Variants in WWOX observed in about 807,000 individuals in gnomAD.
The protein encoded by WWOX is WW domain containing oxidoreductase.
In WWOX, 69 loss-of-function variants were observed where a neutral mutation model predicts 46.2. The ratio of observed to expected loss-of-function variants is 1.49; its 90% CI spans 1.23 to 1.82. The LOEUF (loss-of-function observed/expected upper bound fraction) is 1.82, where lower values mean the gene tolerates loss of function less well. WWOX is among the 40% of genes most tolerant of loss of function. WWOX has a pLI of 0.00. For missense variants in WWOX, 919 were observed against 542.6 expected, an observed-to-expected ratio of 1.69 and a Z score of -6.89; for synonymous variants, 359 against 202.6, an observed-to-expected ratio of 1.77 and a Z score of -6.56.
chr16:78,325,609 A>C (rs1341119098), intron 5 of WWOX, among the ~76,000 whole-genome samples: 1 of 152,184 alleles, frequency 6.6e-6, no homozygotes, highest in Non-Finnish European at 1.5e-5. Flanking sequence ...ATAGAGAAGT[A>C]ATGAGATCAG....
intron 8 of WWOX, among the ~76,000 whole-genome samples, chr16:78,661,919 C>T (rs1339848626): frequency 1.3e-5 from 2 of 152,144 alleles, no homozygotes; most frequent in Non-Finnish European, 2.9e-5. Flanking sequence ...TGATATGCAT[C>T]TGTGGTCTGA....
intron 8 of WWOX, among the ~76,000 whole-genome samples, chr16:78,779,247 G>T (rs1555533895): frequency 6.6e-6 from 1 of 152,098 alleles, no homozygotes; most frequent in Non-Finnish European, 1.5e-5. Flanking sequence ...CTGGCTCAAG[G>T]GATCCTCCCA....
chr16:78,641,766 C>T (rs1027009852), intron 8 of WWOX, among the ~76,000 whole-genome samples: 2 of 152,138 alleles, frequency 1.3e-5, no homozygotes, highest in African/African-American at 4.8e-5. Flanking sequence ...AATTACCTGA[C>T]AGAGCTCCCC....
At chr16:78,367,443 G>T (rs1457401973) in intron 5 of WWOX, among the ~76,000 whole-genome samples, 2 of 152,028 alleles carry the variant, frequency 1.3e-5, no homozygotes, top group Admixed American at 6.6e-5. Flanking sequence ...GCTATCATTA[G>T]GGTTAGTGTA....
chr16:78,205,055 T>G (rs2036349285), intron 5 of WWOX, among the ~76,000 whole-genome samples: 1 of 152,200 alleles, frequency 6.6e-6, no homozygotes, highest in South Asian at 2.1e-4. Flanking sequence ...GACATGAACA[T>G]GGGGCTTAAA....
rs570027647 is a variant in WWOX at position 79,193,995 on chromosome 16, C to T, written c.1057-17613C>T. Among the ~76,000 whole-genome samples, 2 of 151,716 alleles carry T rather than the reference C, an allele frequency of 1.3e-5. 1 individual carries two copies. Among genetic ancestry groups the T allele is most frequent in the East Asian group, 3.9e-4 (2 of 5,150 alleles). On this transcript the variant is annotated intron_variant, in intron 8 of 8. Coordinates refer to ENST00000566780, the MANE Select transcript of WWOX (RefSeq NM_016373.4). ...GATTTGCACATGTTGCTGGACCTCT[C>T]TTTGTCTCAGTTTTCTGTAAACTGG...
At chr16:78,906,929 G>T (rs572169730) in intron 8 of WWOX, among the ~76,000 whole-genome samples, 1 of 152,260 alleles carries the variant, frequency 6.6e-6, no homozygotes, top group East Asian at 1.9e-4. Flanking sequence ...AAATAATTAC[G>T]CAAATAAGCT....
chr16:78,445,464 C>T (rs1266435407), intron 8 of WWOX, among the ~76,000 whole-genome samples: 1 of 152,042 alleles, frequency 6.6e-6, no homozygotes, highest in African/African-American at 2.4e-5. Flanking sequence ...TCATGGGGAC[C>T]GTATGTTGGG....
chr16:79,212,248 A>C lies in WWOX; in HGVS notation c.*452A>C. ...TCACTGCTCCTTGCTGCATTGATCC[A>C]GGAGATAATTGTTTCATTCATCCTG... On this transcript the variant is annotated 3_prime_UTR_variant, in exon 9 of 9. Coordinates refer to ENST00000566780, the MANE Select transcript of WWOX (RefSeq NM_016373.4). 7.5e-7 allele frequency: 1 copy of C among 1,336,508 alleles called. No individual in the cohort carries two copies. Among genetic ancestry groups the C allele is most frequent in the Non-Finnish European group, 9.9e-7 (1 of 1,010,796 alleles). The allele number at this position is 1,336,508 out of a possible 1,614,324, so 82.8% of individuals were successfully genotyped here.
intron 5 of WWOX, among the ~76,000 whole-genome samples, chr16:78,282,376 G>A (rs140880099): frequency 6.6e-6 from 1 of 152,304 alleles, no homozygotes; most frequent in East Asian, 1.9e-4. Context: ...TCAAAAAGGA[G>A]CCTGTTGGAT....
chr16:78,871,061 A>C (rs999403079), intron 8 of WWOX, among the ~76,000 whole-genome samples: 1 of 152,200 alleles, frequency 6.6e-6, no homozygotes, highest in Non-Finnish European at 1.5e-5. Flanking sequence ...AAGTTTTTAA[A>C]TTATCCCCTA....
chr16:78,615,269 C>G (rs1243548211), intron 8 of WWOX, among the ~76,000 whole-genome samples: 5 of 152,176 alleles, frequency 3.3e-5, no homozygotes, highest in Non-Finnish European at 7.4e-5. Flanking sequence ...GTTTCAGGCT[C>G]TGCTACAGAC....
chr16:78,984,390 A>C (rs1434784311), intron 8 of WWOX, among the ~76,000 whole-genome samples: 1 of 152,212 alleles, frequency 6.6e-6, no homozygotes, highest in Non-Finnish European at 1.5e-5. Flanking sequence ...TTAATATTTT[A>C]TACTTTGTGG....
intron 8 of WWOX, among the ~76,000 whole-genome samples, chr16:79,095,538 G>A (rs1431229056): frequency 6.6e-6 from 1 of 152,136 alleles, no homozygotes; most frequent in East Asian, 1.9e-4. Flanking sequence ...GAGATGCAGG[G>A]TGAGGCGCGG....
In WWOX at chr16:78,465,480, T is replaced by TG. The variant is rs553312662; in HGVS notation, c.1056+32733dup. The stretch of plus-strand genomic sequence containing the variant: ...CAGGTGTGAGCCACCACACCCAGCC[T>TG]GGGGGAGGGTTTGTTAAAGAACTGT... On this transcript the variant is annotated intron_variant, in intron 8 of 8. Transcript: ENST00000566780. Among the ~76,000 whole-genome samples the TG allele has an allele frequency of 3.2e-3, 483 of 152,200 alleles. 3 individuals are homozygous for TG. The highest frequency in any genetic ancestry group is 0.011 in the African/African-American group (440 of 41,536).
At chr16:78,236,185 A>T (rs2037431431) in intron 5 of WWOX, among the ~76,000 whole-genome samples, 3 of 152,178 alleles carry the variant, frequency 2.0e-5, no homozygotes, top group Admixed American at 2.0e-4. Context: ...TAATCTCGTG[A>T]TAGGGCAAGG....
intron 8 of WWOX, among the ~76,000 whole-genome samples, chr16:79,071,281 C>T (rs1334483813): frequency 1.3e-5 from 2 of 152,208 alleles, no homozygotes; most frequent in African/African-American, 4.8e-5. Flanking sequence ...GACAACCTGA[C>T]AATGACTTTT....
At chr16:78,770,588 G>T (rs2050040019) in intron 8 of WWOX, among the ~76,000 whole-genome samples, 1 of 152,190 alleles carries the variant, frequency 6.6e-6, no homozygotes, top group Non-Finnish European at 1.5e-5. Context: ...AAGGACGTCT[G>T]TGGGAGGTGC....
At chr16:78,908,991 C>T (rs1347799615) in intron 8 of WWOX, among the ~76,000 whole-genome samples, 1 of 152,148 alleles carries the variant, frequency 6.6e-6, no homozygotes, top group African/African-American at 2.4e-5. Context: ...GCAGTCTAGT[C>T]CCCAGGCAGG....
Sources: allele counts gnomAD v4.1 joint callset (sites outside exome capture counted in the v4.1 genomes callset), GRCh38; gene constraint gnomAD v4.1.1; transcripts MANE v1.5; gene names NCBI Gene and HGNC (gene_info 2026-07-23, HGNC 2026-07-21).